The following STXBP4 variants were observed in gnomAD, a reference collection of about 807,000 sequenced individuals.
The protein encoded by STXBP4 is syntaxin binding protein 4.
Under a neutral mutation model 76.1 loss-of-function variants are expected in STXBP4, and 55 were observed. The ratio of observed to expected loss-of-function variants is 0.72; its 90% CI spans 0.58 to 0.91. The LOEUF is 0.91. Ranked by LOEUF, STXBP4 falls within the 40% of genes least tolerant of loss-of-function variation. The pLI is 0.00. For synonymous variants in STXBP4, 201 were observed against 220.2 expected (o/e 0.91, Z 0.77); for missense variants, 618 against 636.9 (o/e 0.97, Z 0.32).
downstream of STXBP4, among the ~76,000 whole-genome samples, chr17:55,176,725 A>G (rs188114315): frequency 1.2e-3 from 176 of 152,270 alleles, 1 homozygote; most frequent in African/African-American, 4.1e-3. Flanking sequence ...TAGCATTTGA[A>G]TCAGTAGACC....
intron 10 of STXBP4, among the ~76,000 whole-genome samples, chr17:55,038,412 T>G (rs2078641420): frequency 2.0e-5 from 3 of 152,156 alleles, no homozygotes; most frequent in Admixed American, 2.0e-4. Context: ...TATGTACTCT[T>G]TTGTAACTTG....
At chr17:55,049,125 G>A (rs2078827362) in intron 12 of STXBP4, among the ~76,000 whole-genome samples, 1 of 151,872 alleles carries the variant, frequency 6.6e-6, no homozygotes, top group Non-Finnish European at 1.5e-5. Context: ...AGGAAAGAAA[G>A]AAAGTATACA....
At chr17:55,153,060 G>A (rs978841867) in intron 17 of STXBP4, among the ~76,000 whole-genome samples, 3 of 152,016 alleles carry the variant, frequency 2.0e-5, no homozygotes, top group Non-Finnish European at 2.9e-5. Context: ...TCTAGATCCC[G>A]GCTCTAACAT....
chr17:55,205,112 G>T, the STXBP4 span, among the ~76,000 whole-genome samples: 1 of 152,128 alleles, frequency 6.6e-6, no homozygotes, highest in African/African-American at 2.4e-5. Context: ...TTATCTGGAA[G>T]AGTAAATGCA....
chr17:55,024,705 A>G (rs1365884789), intron 8 of STXBP4, among the ~76,000 whole-genome samples: 2 of 152,220 alleles, frequency 1.3e-5, no homozygotes, highest in Non-Finnish European at 2.9e-5. Flanking sequence ...GACAGCCTAA[A>G]TGTTCATCAA....
At chr17:55,180,492 T>C in the STXBP4 span, among the ~76,000 whole-genome samples, 2 of 152,172 alleles carry the variant, frequency 1.3e-5, no homozygotes, top group South Asian at 4.1e-4. Context: ...TCTTTTTACT[T>C]GCTTTATGTA....
intron 16 of STXBP4, among the ~76,000 whole-genome samples, chr17:55,109,916 G>A (rs1348830333): frequency 5.3e-5 from 8 of 152,142 alleles, no homozygotes; most frequent in Non-Finnish European, 1.2e-4. Flanking sequence ...TGGGATTACA[G>A]GTGTGAGCCA....
intron 16 of STXBP4, among the ~76,000 whole-genome samples, chr17:55,100,964 A>T (rs1203286357): frequency 6.6e-6 from 1 of 152,176 alleles, no homozygotes; most frequent in African/African-American, 2.4e-5. Context: ...TCCCCAGTCA[A>T]GCCTCAGATG....
intron 16 of STXBP4, among the ~76,000 whole-genome samples, chr17:55,086,628 G>A (rs974979971): frequency 3.3e-5 from 5 of 151,900 alleles, no homozygotes; most frequent in Non-Finnish European, 7.4e-5. Context: ...TTCGTATATG[G>A]AGACACGCAC....
chr17:55,083,363 A>G (rs1051308708), intron 16 of STXBP4, among the ~76,000 whole-genome samples: 3 of 152,204 alleles, frequency 2.0e-5, no homozygotes, highest in Non-Finnish European at 4.4e-5. Context: ...ATTAAATAAT[A>G]TAATTTATTT....
the STXBP4 span, among the ~76,000 whole-genome samples, chr17:55,185,015 C>T: frequency 6.6e-6 from 1 of 152,002 alleles, no homozygotes; most frequent in Non-Finnish European, 1.5e-5. Flanking sequence ...GGGATACAGG[C>T]GCATGCCACC....
chr17:55,033,267 A>G (rs1436417361), intron 9 of STXBP4, among the ~76,000 whole-genome samples: 2 of 151,984 alleles, frequency 1.3e-5, no homozygotes, highest in Admixed American at 6.6e-5. Context: ...CCAGCTACTC[A>G]GGAGGCTGAG....
At chr17:55,015,440 T>A (rs984846519) in intron 8 of STXBP4, among the ~76,000 whole-genome samples, 1 of 152,234 alleles carries the variant, frequency 6.6e-6, no homozygotes, top group Non-Finnish European at 1.5e-5. Context: ...ATGGCAGCAC[T>A]TCTCTCATTT....
At chr17:55,093,538 T>C (rs766451230) in intron 16 of STXBP4, among the ~76,000 whole-genome samples, 3 of 152,200 alleles carry the variant, frequency 2.0e-5, no homozygotes, top group Non-Finnish European at 4.4e-5. Context: ...CAACAAATAT[T>C]TGTGGCATTT....
At chr17:55,121,650 C>T (rs1031566300) in intron 16 of STXBP4, among the ~76,000 whole-genome samples, 1 of 152,010 alleles carries the variant, frequency 6.6e-6, no homozygotes, top group Non-Finnish European at 1.5e-5. Flanking sequence ...TGGTGTTTTG[C>T]CCTAGCCAGC....
rs778372648 is a variant in STXBP4, at chr17:55,072,985, T to A, written c.1097T>A (p.Met366Lys). The change falls in exon 13 of 18, where the codon ATG (methionine) becomes AAG (lysine). Residue 366 changes from methionine (M) to lysine (K), a missense_variant. By Grantham distance (95) the Met-to-Lys change is moderately conservative. Coordinates refer to ENST00000376352, the MANE Select transcript of STXBP4 (RefSeq NM_178509.6). ...GCTGCTCAGAGACAGGCACATGGAA[T>A]GGAAATGGACTATGAAGAAGTGATC... ...AEAAQRQAHG[M>K]EMDYEEVIRL... 1 of 1,614,012 alleles carries A rather than the reference T, an allele frequency of 6.2e-7. No homozygotes were observed. The highest frequency in any genetic ancestry group is 1.1e-5 in the South Asian group (1 of 91,070).
chr17:55,099,241 C>A (rs928189794), intron 16 of STXBP4, among the ~76,000 whole-genome samples: 1 of 152,106 alleles, frequency 6.6e-6, no homozygotes. Flanking sequence ...CATTTTTTGA[C>A]GCTTCAGTTT....
intron 8 of STXBP4, among the ~76,000 whole-genome samples, chr17:55,013,405 T>C (rs1180255209): frequency 4.6e-5 from 7 of 152,234 alleles, no homozygotes. Context: ...TTAATTACTG[T>C]ATATAATGGC....
chr17:55,182,860 T>G, the STXBP4 span, among the ~76,000 whole-genome samples: 2 of 152,054 alleles, frequency 1.3e-5, no homozygotes, highest in African/African-American at 4.8e-5. Flanking sequence ...TAATGGCTTT[T>G]AAGAACAAAG....
Sources: gnomAD v4.1 joint callset for allele counts (sites outside exome capture counted in the v4.1 genomes callset) on GRCh38, gnomAD v4.1.1 for gene constraint, MANE v1.5 for transcripts, NCBI Gene and HGNC (gene_info 2026-07-23, HGNC 2026-07-21) for gene names.